The following GALNT2 variants were observed in gnomAD, a reference collection of about 807,000 sequenced individuals.
The protein encoded by GALNT2 is polypeptide N-acetylgalactosaminyltransferase 2, also known as UDP-GalNAc:polypeptide N-acetylgalactosaminyltransferase 2.
In GALNT2, 31 loss-of-function variants were observed where a neutral mutation model predicts 81.4. The ratio of observed to expected loss-of-function variants is 0.38; its 90% CI spans 0.29 to 0.51. GALNT2 has a LOEUF of 0.51. Ranked by LOEUF, GALNT2 falls within the 20% of genes least tolerant of loss-of-function variation. The pLI is 0.87. For synonymous variants in GALNT2, 303 were observed against 287.4 expected, an observed-to-expected ratio of 1.05 and a Z score of -0.55; for missense variants, 629 against 765.7, an observed-to-expected ratio of 0.82 and a Z score of 2.11.
chr1:230,135,145 T>C (rs1661495512), intron 1 of GALNT2, among the ~76,000 whole-genome samples: 1 of 152,030 alleles, frequency 6.6e-6, no homozygotes, highest in South Asian at 2.1e-4. Context: ...ATTTCAGAGA[T>C]GTCGGAACAG....
In GALNT2 at chr1:230,275,542, CATAT is replaced by C. The variant is rs1419753442; in HGVS notation, c.1560+982_1560+985del. On this transcript the variant is annotated intron_variant, in intron 15 of 15. Coordinates refer to ENST00000366672, the MANE Select transcript of GALNT2 (RefSeq NM_004481.5). This position sits in a 1 kb window ranked among gnomAD's most constrained non-coding sequence, Gnocchi z 5.5. ...TATATATACATGCCACATAGATATA[CATAT>C]ATAAACGCCACATATATATACATAT... Among the ~76,000 whole-genome samples, 2 of 150,994 alleles carry C rather than the reference CATAT, an allele frequency of 1.3e-5. No homozygotes were observed. Among genetic ancestry groups the C allele is most frequent in the South Asian group, 2.1e-4 (1 of 4,796 alleles).
intron 3 of GALNT2, among the ~76,000 whole-genome samples, chr1:230,222,248 G>A (rs1303472026): frequency 6.6e-6 from 1 of 151,748 alleles, no homozygotes; most frequent in Non-Finnish European, 1.5e-5. Flanking sequence ...GAATGGTCTC[G>A]ATCTCCTGAC....
intron 3 of GALNT2, among the ~76,000 whole-genome samples, chr1:230,227,912 C>G (rs7527162): frequency 0.57 from 86,506 of 151,990 alleles, 27,290 homozygotes; most frequent in East Asian, 0.89. Flanking sequence ...AGATGTGTAA[C>G]GAATGGAAAG....
intron 3 of GALNT2, among the ~76,000 whole-genome samples, chr1:230,223,489 G>A (rs1664616149): frequency 6.6e-6 from 1 of 151,226 alleles, no homozygotes; most frequent in African/African-American, 2.4e-5. Flanking sequence ...CTTTTTTTGA[G>A]ATGGAGTCTT....
At chr1:230,192,134 C>T (rs1663546980) in intron 2 of GALNT2, among the ~76,000 whole-genome samples, 1 of 152,250 alleles carries the variant, frequency 6.6e-6, no homozygotes, top group African/African-American at 2.4e-5. Flanking sequence ...ACTGCACAGG[C>T]ATGCAGGGTT....
intron 3 of GALNT2, among the ~76,000 whole-genome samples, chr1:230,204,760 T>A (rs1406563029): frequency 6.6e-6 from 1 of 152,202 alleles, no homozygotes; most frequent in Non-Finnish European, 1.5e-5. Context: ...ATCTTCCTGC[T>A]AAGTTAGAGT....
rs1180932817 is a variant in GALNT2, at chr1:230,275,261, C to T, written c.1560+697C>T. Among the ~76,000 whole-genome samples, 1 of 151,144 alleles carries T rather than the reference C, an allele frequency of 6.6e-6. No individual in the cohort carries two copies. The highest frequency in any genetic ancestry group is 2.4e-5 in the African/African-American group (1 of 41,076). ...TAAACACCGCATATATACATATATA[C>T]ACACCACATGTATACGTATATATAG... On this transcript the variant is annotated intron_variant, in intron 15 of 15. Coordinates refer to ENST00000366672, the MANE Select transcript of GALNT2 (RefSeq NM_004481.5). The surrounding 1 kb of genome is among the most constrained non-coding windows in gnomAD (Gnocchi z 5.5).
rs1666411039 is a variant in GALNT2 at position 230,280,613 on chromosome 1, T to C, written c.*1155T>C. 6.5e-6 allele frequency: 1 copy of C among 153,018 alleles called. No individual in the cohort carries two copies. Among genetic ancestry groups the C allele is most frequent in the African/African-American group, 2.4e-5 (1 of 41,444 alleles). 9.5% of individuals were successfully genotyped at this position (153,018 alleles called of 1,614,324 possible). Reference sequence around the variant, plus strand: ...AATTAATGGCCAGCAGTGTCAGGGATGAGCCCGTCAGCCAGGGCACAGGCC... The same window carrying C: ...AATTAATGGCCAGCAGTGTCAGGGACGAGCCCGTCAGCCAGGGCACAGGCC... On this transcript the variant is annotated 3_prime_UTR_variant, in exon 16 of 16. Transcript: ENST00000366672.
intron 1 of GALNT2, among the ~76,000 whole-genome samples, chr1:230,166,722 T>C (rs556742873): frequency 6.6e-6 from 1 of 152,316 alleles, no homozygotes; most frequent in South Asian, 2.1e-4. Flanking sequence ...TCTTCCCTTT[T>C]CCCAAAATCC....
At chr1:230,265,452 CA>C in intron 14 of GALNT2, 85 bp downstream of exon 14, 1 of 1,569,108 alleles carries the variant, frequency 6.4e-7, no homozygotes, top group South Asian at 1.1e-5. Context: ...TCCCAGCTGC[CA>C]CCTTTCTCCT....
chr1:230,262,946 G>A lies in GALNT2; in HGVS notation c.1254G>A (p.Arg418=), dbSNP rs1665922875. 1 of 1,614,108 alleles carries A rather than the reference G, an allele frequency of 6.2e-7. No homozygotes were observed. Among genetic ancestry groups the A allele is most frequent in the Non-Finnish European group, 8.5e-7 (1 of 1,179,934 alleles). Residue 418 remains arginine, a synonymous_variant, in exon 13 of 16, where the codon AGG becomes AGA. Coordinates refer to ENST00000366672, the MANE Select transcript of GALNT2 (RefSeq NM_004481.5). ...GTATTCAGAGCAGATTGGAGCTTAGGAAGAAACTCAGCTGCAAGCCTTTCA... is the reference window on the plus strand; with the variant it reads ...GTATTCAGAGCAGATTGGAGCTTAGAAAGAAACTCAGCTGCAAGCCTTTCA... ...YGNIQSRLEL[R]KKLSCKPFKW... is the part of the protein sequence containing the mutation.
intron 1 of GALNT2, among the ~76,000 whole-genome samples, chr1:230,151,585 G>T (rs749374067): frequency 2.0e-5 from 3 of 152,144 alleles, no homozygotes; most frequent in African/African-American, 7.2e-5. Flanking sequence ...GCCTTCTTCT[G>T]TAGGATCTCC....
At chr1:230,100,605 C>A (rs61825389) in intron 1 of GALNT2, among the ~76,000 whole-genome samples, 3 of 152,124 alleles carry the variant, frequency 2.0e-5, no homozygotes, top group African/African-American at 7.2e-5. Flanking sequence ...GGATTACAGG[C>A]GTGAGCCACA....
chr1:230,199,728 T>C (rs1335706973), intron 2 of GALNT2, among the ~76,000 whole-genome samples: 1 of 152,184 alleles, frequency 6.6e-6, no homozygotes, highest in Non-Finnish European at 1.5e-5. Context: ...CTCAGGGAGA[T>C]TGCCACAAGA....
At chr1:230,137,996 C>T (rs1445961380) in intron 1 of GALNT2, among the ~76,000 whole-genome samples, 1 of 152,118 alleles carries the variant, frequency 6.6e-6, no homozygotes, top group Non-Finnish European at 1.5e-5. Flanking sequence ...TCCATTTTAC[C>T]TTTTTCTCCT....
chr1:230,163,662 C>T (rs1276992946), intron 1 of GALNT2, among the ~76,000 whole-genome samples: 1 of 152,250 alleles, frequency 6.6e-6, no homozygotes, highest in Non-Finnish European at 1.5e-5. Flanking sequence ...CACAGCAGCT[C>T]ACTGTCTTTT....
At chr1:230,149,997 C>T (rs1455887425) in intron 1 of GALNT2, among the ~76,000 whole-genome samples, 1 of 152,218 alleles carries the variant, frequency 6.6e-6, no homozygotes, top group South Asian at 2.1e-4. Context: ...TTCTCAACAC[C>T]GTTGGTGTCT....
intron 1 of GALNT2, among the ~76,000 whole-genome samples, chr1:230,168,601 T>C (rs980525822): frequency 3.3e-5 from 5 of 152,244 alleles, no homozygotes; most frequent in African/African-American, 4.8e-5. Context: ...AAATACATGA[T>C]TGACGGATGT....
intron 3 of GALNT2, 27 bp downstream of exon 3, chr1:230,203,317 C>T: frequency 1.9e-6 from 3 of 1,608,052 alleles, no homozygotes; most frequent in Non-Finnish European, 2.6e-6. Context: ...GCACCTGCTG[C>T]AGCTTCATTT....
Sources: allele counts gnomAD v4.1 joint callset (sites outside exome capture counted in the v4.1 genomes callset), GRCh38; gene constraint gnomAD v4.1.1; non-coding constraint Gnocchi (gnomAD v3.1); transcripts MANE v1.5; gene names NCBI Gene and HGNC (gene_info 2026-07-23, HGNC 2026-07-21).